Variants in IL1RAPL1 observed in about 807,000 individuals in gnomAD.
IL1RAPL1 encodes interleukin-1 receptor accessory protein-like 1.
In IL1RAPL1, 3 loss-of-function variants were observed where a neutral mutation model predicts 48.4. That is an observed-to-expected ratio of 0.06 (90% CI 0.03 to 0.16). The LOEUF (loss-of-function observed/expected upper bound fraction) is 0.16. IL1RAPL1 is among the 10% of genes least tolerant of loss of function. IL1RAPL1 has a pLI of 1.00. For missense variants in IL1RAPL1, 349 were observed against 530.6 expected (o/e 0.66, Z 3.36); for synonymous variants, 185 against 187.7 (o/e 0.99, Z 0.12).
chrX:29,351,601 T>C (rs1210218679), intron 3 of IL1RAPL1, among the ~76,000 whole-genome samples: 1 of 112,690 alleles, frequency 8.9e-6, no homozygotes, highest in Non-Finnish European at 1.9e-5. Flanking sequence ...TTTAATTGTA[T>C]AATGAATACT....
At chrX:29,350,263 C>CA (rs1335900740) in intron 3 of IL1RAPL1, among the ~76,000 whole-genome samples, 1 of 84,782 alleles carries the variant, frequency 1.2e-5, no homozygotes, top group African/African-American at 5.1e-5. Context: ...CCCCCCCCCC[C>CA]ACCTGGCTCA....
At chrX:28,891,545 T>C (rs751221631) in intron 2 of IL1RAPL1, among the ~76,000 whole-genome samples, 1 of 112,288 alleles carries the variant, frequency 8.9e-6, no homozygotes, top group Admixed American at 9.5e-5. Flanking sequence ...ATGAAATGAA[T>C]CATGTAATAT....
chrX:29,482,712 T>G (rs1178643084), intron 5 of IL1RAPL1, among the ~76,000 whole-genome samples: 1 of 112,237 alleles, frequency 8.9e-6, no homozygotes, highest in Non-Finnish European at 1.9e-5. Context: ...TTTTTGTTTA[T>G]AATACATTTC....
At chrX:29,827,229 A>G (rs1386853085) in intron 6 of IL1RAPL1, among the ~76,000 whole-genome samples, 1 of 112,242 alleles carries the variant, frequency 8.9e-6, no homozygotes, top group Non-Finnish European at 1.9e-5. Flanking sequence ...AAAAATTACC[A>G]CTTACTCCTA....
In IL1RAPL1 at chrX:29,528,552, C is replaced by T. The variant is rs1935578500; in HGVS notation, c.703+129244C>T. ...TAGCATTTATTTTTTCTTTCAGTTT[C>T]TGTTGGACAGAAGTCTGGGTATGAC... On this transcript the variant is annotated intron_variant, in intron 5 of 10. Coordinates refer to ENST00000378993, the MANE Select transcript of IL1RAPL1 (RefSeq NM_014271.4). Among the ~76,000 whole-genome samples, 3 of 111,982 alleles carry T rather than the reference C, an allele frequency of 2.7e-5. No homozygotes were observed. In the Admixed American group the frequency reaches 2.8e-4, roughly 11 times the overall value.
intron 3 of IL1RAPL1, among the ~76,000 whole-genome samples, chrX:29,301,099 C>T (rs1263537731): frequency 9.0e-6 from 1 of 111,531 alleles, no homozygotes; most frequent in Non-Finnish European, 1.9e-5. Context: ...TTTCCCTTGA[C>T]AGTTTTTGTA....
At chrX:29,224,641 T>A (rs914538861) in intron 2 of IL1RAPL1, among the ~76,000 whole-genome samples, 1 of 112,053 alleles carries the variant, frequency 8.9e-6, no homozygotes, top group African/African-American at 3.2e-5. Flanking sequence ...TTTGAATATA[T>A]AGTTGTATCA....
At chrX:29,038,902 A>C (rs1926783638) in intron 2 of IL1RAPL1, among the ~76,000 whole-genome samples, 1 of 111,528 alleles carries the variant, frequency 9.0e-6, no homozygotes, top group Non-Finnish European at 1.9e-5. Flanking sequence ...TTCCAATTTC[A>C]GTTTCTCTAA....
At chrX:29,657,310 A>G (rs1381035967) in intron 5 of IL1RAPL1, among the ~76,000 whole-genome samples, 2 of 111,692 alleles carry the variant, frequency 1.8e-5, no homozygotes, top group Non-Finnish European at 3.8e-5. Context: ...GCATCGTAAG[A>G]TCTTTAGCAG....
intron 2 of IL1RAPL1, among the ~76,000 whole-genome samples, chrX:28,803,090 C>T (rs1174439126): frequency 1.8e-5 from 2 of 111,389 alleles, no homozygotes; most frequent in East Asian, 5.6e-4. Context: ...ATGATCTTAG[C>T]ATCATGTCCA....
intron 5 of IL1RAPL1, among the ~76,000 whole-genome samples, chrX:29,664,188 A>G (rs910967356): frequency 9.0e-6 from 1 of 111,666 alleles, no homozygotes; most frequent in Admixed American, 9.5e-5. Flanking sequence ...GCGGATCACG[A>G]GGTCAGGAGA....
intron 2 of IL1RAPL1, among the ~76,000 whole-genome samples, chrX:29,147,012 A>G (rs762887099): frequency 8.9e-6 from 1 of 112,438 alleles, no homozygotes; most frequent in African/African-American, 3.2e-5. Flanking sequence ...TTTCCAGTTC[A>G]GATGGTTTGG....
At chrX:29,090,393 G>A (rs1368197810) in intron 2 of IL1RAPL1, among the ~76,000 whole-genome samples, 1 of 111,735 alleles carries the variant, frequency 8.9e-6, no homozygotes, top group Non-Finnish European at 1.9e-5. Flanking sequence ...TCCATTAAAC[G>A]CTTTTTTCTA....
intron 5 of IL1RAPL1, among the ~76,000 whole-genome samples, chrX:29,619,638 A>G (rs1288926347): frequency 8.9e-6 from 1 of 111,786 alleles, no homozygotes; most frequent in East Asian, 2.8e-4. Flanking sequence ...GCTCCTTAGA[A>G]TAGACAGATA....
chrX:28,791,224 G>A (rs1936536573), intron 2 of IL1RAPL1, among the ~76,000 whole-genome samples: 1 of 110,316 alleles, frequency 9.1e-6, no homozygotes, highest in Non-Finnish European at 1.9e-5. Context: ...CTAATTTGGG[G>A]GCAAGAAATT....
At chrX:28,950,950 T>A (rs1221528267) in intron 2 of IL1RAPL1, among the ~76,000 whole-genome samples, 1 of 104,627 alleles carries the variant, frequency 9.6e-6, no homozygotes, top group African/African-American at 3.5e-5. Context: ...CCATAAAAAA[T>A]GATGAGTTCA....
intron 2 of IL1RAPL1, among the ~76,000 whole-genome samples, chrX:28,939,031 AT>A (rs1232747714): frequency 3.7e-5 from 4 of 109,301 alleles, no homozygotes; most frequent in Middle Eastern, 4.6e-3. Flanking sequence ...AAAAAAAAAA[AT>A]AACAGATGCT....
At chrX:29,815,129 A>G (rs1487094130) in intron 6 of IL1RAPL1, among the ~76,000 whole-genome samples, 1 of 111,635 alleles carries the variant, frequency 9.0e-6, no homozygotes, top group East Asian at 2.8e-4. Context: ...TGATGTTGAT[A>G]GTTTGGCAGG....
At chrX:29,757,882 T>A (rs1160980774) in intron 6 of IL1RAPL1, among the ~76,000 whole-genome samples, 1 of 111,863 alleles carries the variant, frequency 8.9e-6, no homozygotes, top group African/African-American at 3.2e-5. Context: ...TAATTTTTTT[T>A]AATTAGCATC....
Sources: gnomAD v4.1 joint callset for allele counts (sites outside exome capture counted in the v4.1 genomes callset) on GRCh38, gnomAD v4.1.1 for gene constraint, MANE v1.5 for transcripts, NCBI Gene and HGNC (gene_info 2026-07-23, HGNC 2026-07-21) for gene names.